Variants in TMEM181 observed in about 807,000 individuals in gnomAD.
The protein encoded by TMEM181 is G protein-coupled receptor 178.
A neutral mutation model predicts 71.9 loss-of-function variants in TMEM181; 39 were observed. The ratio of observed to expected loss-of-function variants is 0.54; its 90% CI spans 0.42 to 0.71. TMEM181 has a LOEUF of 0.71. TMEM181 is among the 30% of genes least tolerant of loss of function. The pLI, the probability that TMEM181 is intolerant of heterozygous loss-of-function variation, is 0.00. For synonymous variants in TMEM181, 245 were observed against 228.8 expected (o/e 1.07, Z -0.64); for missense variants, 595 against 583.0 (o/e 1.02, Z -0.21).
chr6:158,626,333 C>T (rs1292864696), intron 13 of TMEM181: 5 of 454,030 alleles, frequency 1.1e-5, no homozygotes, highest in East Asian at 7.0e-5. Flanking sequence ...TTATTTGAAT[C>T]GATTCCAGGT....
chr6:158,600,520 AGT>A (rs1200403182), intron 6 of TMEM181, among the ~76,000 whole-genome samples: 1 of 125,192 alleles, frequency 8.0e-6, no homozygotes, highest in Non-Finnish European at 1.6e-5. Context: ...CCCAGGCTAG[AGT>A]GCAGTGGTGC....
upstream of TMEM181, among the ~76,000 whole-genome samples, chr6:158,557,817 G>A (rs1434145055): frequency 1.3e-5 from 2 of 152,168 alleles, no homozygotes; most frequent in African/African-American, 2.4e-5. Context: ...GCCCATGCCC[G>A]GTCAATTAAG....
intron 10 of TMEM181, among the ~76,000 whole-genome samples, chr6:158,615,667 T>C (rs964904527): frequency 5.3e-5 from 8 of 152,164 alleles, no homozygotes; most frequent in Non-Finnish European, 1.2e-4. Flanking sequence ...TTGTATAGGG[T>C]GTAAGGAAGA....
intron 1 of TMEM181, among the ~76,000 whole-genome samples, chr6:158,571,520 A>C (rs12211311): frequency 1.2e-5 from 1 of 86,128 alleles, no homozygotes; most frequent in East Asian, 2.3e-4. Flanking sequence ...GGATGGTCTC[A>C]ATCTCCTGAC....
chr6:158,552,476 T>A (rs1323961248), intron 1 of TMEM181, among the ~76,000 whole-genome samples: 1 of 152,258 alleles, frequency 6.6e-6, no homozygotes. Flanking sequence ...CGTGAGAGCC[T>A]GTGAAGTTTC....
At chr6:158,547,307 A>G (rs1022905833) in intron 1 of TMEM181, among the ~76,000 whole-genome samples, 5 of 152,102 alleles carry the variant, frequency 3.3e-5, no homozygotes, top group Non-Finnish European at 7.4e-5. Flanking sequence ...AGAAATACAG[A>G]CGCCTAAGCC....
chr6:158,573,493 T>C lies in TMEM181; in HGVS notation c.82T>C (p.Phe28Leu). ...VLVFVVFFICFGLTIFVGIRG... is the reference protein window; with the variant it reads ...VLVFVVFFICLGLTIFVGIRG... ...CGTGTTTGTCGTCTTCTTCATCTGC[T>C]TTGGCCTGACCATCTTCGTTGGGAT... The change falls in exon 2 of 17, where the codon TTT becomes CTT. Residue 28 changes from phenylalanine (F) to leucine (L), a missense_variant. Transcript: ENST00000684151. 1 of 1,608,370 alleles carries C rather than the reference T, an allele frequency of 6.2e-7. No individual in the cohort carries two copies. Among genetic ancestry groups the C allele is most frequent in the Non-Finnish European group, 8.5e-7 (1 of 1,177,348 alleles).
chr6:158,629,027 T>C (rs1040868106), intron 14 of TMEM181, among the ~76,000 whole-genome samples: 1 of 152,058 alleles, frequency 6.6e-6, no homozygotes, highest in South Asian at 2.1e-4. Flanking sequence ...GCTCAGAAAA[T>C]ACTGGGACCC....
At chr6:158,608,147 T>A (rs1785058293) in intron 8 of TMEM181, among the ~76,000 whole-genome samples, 186 bp from the exon 9 acceptor site, 1 of 152,008 alleles carries the variant, frequency 6.6e-6, no homozygotes, top group Admixed American at 6.5e-5. Context: ...GACCCTGCAG[T>A]GGGATGGGGT....
At position 158,629,605 on chromosome 6, in the gene TMEM181, C is replaced by T. The variant is rs1786543788; in HGVS notation, c.1193-125C>T. On this transcript the variant is annotated intron_variant, in intron 14 of 16. Transcript: ENST00000684151. ...GAGTCCTGACGTCTGGGTAATGGAC[C>T]CCCGGGCACTGGCGGGTGCTTGGCA... 5 of 751,032 alleles carry T rather than the reference C, an allele frequency of 6.7e-6. No homozygotes were observed. In the East Asian group the frequency reaches 1.3e-4, roughly 20 times the overall value. 46.5% of individuals were successfully genotyped at this position (751,032 alleles called of 1,614,324 possible). A position where few individuals can be genotyped will look rare whatever the true frequency, so the allele number is the denominator to read the frequency against.
upstream of TMEM181, among the ~76,000 whole-genome samples, chr6:158,555,560 A>G (rs917824315): frequency 1.3e-5 from 2 of 152,252 alleles, no homozygotes; most frequent in East Asian, 1.9e-4. Context: ...TGCTAACTGT[A>G]TAGTTTCAGA....
At chr6:158,623,982 A>G (rs1224822103) in intron 11 of TMEM181, among the ~76,000 whole-genome samples, 1 of 152,184 alleles carries the variant, frequency 6.6e-6, no homozygotes, top group African/African-American at 2.4e-5. Flanking sequence ...GACTGTTCTC[A>G]AACTCCTGAT....
intron 10 of TMEM181, among the ~76,000 whole-genome samples, chr6:158,612,047 T>C (rs775828157): frequency 7.2e-5 from 11 of 151,920 alleles, no homozygotes; most frequent in Non-Finnish European, 4.4e-5. Flanking sequence ...AATGTGCTTA[T>C]TAGGGCCTAC....
chr6:158,596,352 C>T (rs1182749844), intron 6 of TMEM181, among the ~76,000 whole-genome samples: 2 of 152,168 alleles, frequency 1.3e-5, no homozygotes, highest in African/African-American at 2.4e-5. Context: ...TCAGCAGTGC[C>T]GTGTGTGGCT....
rs1262809417 is a variant in TMEM181, at chr6:158,589,740, A to ATT, written c.452_453dup (p.Glu152LeufsTer4). On this transcript the variant is annotated frameshift_variant, in exon 6 of 17. Coordinates refer to ENST00000684151, the MANE Select transcript of TMEM181 (RefSeq NM_001376852.1). LOFTEE classifies it high-confidence loss of function. ...ACACTCAGTATACAGTGATAGTGGG[A>ATT]TTTGAACACCTGAAGCTCCCCATCA... 2 of 1,614,172 alleles carry ATT rather than the reference A, an allele frequency of 1.2e-6. No homozygotes were observed.
intron 1 of TMEM181, among the ~76,000 whole-genome samples, chr6:158,563,488 C>T (rs1009268822): frequency 6.6e-6 from 1 of 152,120 alleles, no homozygotes; most frequent in Non-Finnish European, 1.5e-5. Context: ...CCCAGGTTAC[C>T]CTGCAGTGGA....
chr6:158,616,907 T>C (rs140148356), intron 10 of TMEM181, among the ~76,000 whole-genome samples: 2,773 of 152,326 alleles, frequency 0.018, 96 homozygotes, highest in African/African-American at 0.064. Flanking sequence ...TTGAGGATTT[T>C]CACATCAATG....
At chr6:158,577,162 A>G (rs558273527) in intron 2 of TMEM181, among the ~76,000 whole-genome samples, 1 of 152,274 alleles carries the variant, frequency 6.6e-6, no homozygotes, top group Non-Finnish European at 1.5e-5. Flanking sequence ...GTAAGACCAT[A>G]TGACAGATCT....
At chr6:158,626,323 T>TG in intron 13 of TMEM181, 1 of 452,848 alleles carries the variant, frequency 2.2e-6, no homozygotes, top group Non-Finnish European at 4.4e-6. Flanking sequence ...GGGAAGTTGT[T>TG]TATTTGAATC....
Sources: gnomAD v4.1 joint callset for allele counts (sites outside exome capture counted in the v4.1 genomes callset) on GRCh38, gnomAD v4.1.1 for gene constraint, MANE v1.5 for transcripts, NCBI Gene and HGNC (gene_info 2026-07-23, HGNC 2026-07-21) for gene names.